PTPRD: variants seen among roughly 807,000 people sequenced by gnomAD.
The protein encoded by PTPRD is receptor-type tyrosine-protein phosphatase delta.
PTPRD carries 34 observed loss-of-function variants against 214.5 expected under a neutral mutation model. The observed-to-expected ratio is 0.16, with a 90% CI of 0.12 to 0.21. The LOEUF (loss-of-function observed/expected upper bound fraction) is 0.21, where lower values mean the gene tolerates loss of function less well. PTPRD is among the 10% of genes least tolerant of loss of function. The pLI is 1.00. For synonymous variants in PTPRD, 1,128 were observed against 845.7 expected, an observed-to-expected ratio of 1.33 and a Z score of -5.79; for missense variants, 2,545 against 2,398.7, an observed-to-expected ratio of 1.06 and a Z score of -1.27.
At chr9:8,488,115 G>A (rs1317193909) in intron 27 of PTPRD, among the ~76,000 whole-genome samples, 3 of 152,080 alleles carry the variant, frequency 2.0e-5, no homozygotes, top group African/African-American at 4.8e-5. Context: ...ATCATACCAT[G>A]GGGATATAGA....
chr9:8,376,575 G>T, intron 38 of PTPRD, 32 bp downstream of exon 38: 1 of 1,611,778 alleles, frequency 6.2e-7, no homozygotes, highest in Non-Finnish European at 8.5e-7. Context: ...AATAGAGAAG[G>T]GAAAGGGAGG....
intron 5 of PTPRD, among the ~76,000 whole-genome samples, chr9:9,806,646 G>A (rs1001266505): frequency 6.6e-6 from 1 of 152,050 alleles, no homozygotes; most frequent in Admixed American, 6.6e-5. Flanking sequence ...CAGCCCACTT[G>A]CGCCCAAGTG....
chr9:8,887,025 C>T (rs1440233108), intron 11 of PTPRD, among the ~76,000 whole-genome samples: 1 of 152,210 alleles, frequency 6.6e-6, no homozygotes. Context: ...TGGCATTACT[C>T]AATCCACAAA....
At chr9:8,919,884 A>C (rs2098814272) in intron 11 of PTPRD, among the ~76,000 whole-genome samples, 1 of 136,000 alleles carries the variant, frequency 7.4e-6, no homozygotes, top group Non-Finnish European at 1.7e-5. Flanking sequence ...TGTATCATGC[A>C]TACATAGATG....
At chr9:9,422,213 G>A (rs1313167061) in intron 8 of PTPRD, among the ~76,000 whole-genome samples, 4 of 152,124 alleles carry the variant, frequency 2.6e-5, no homozygotes, top group African/African-American at 7.2e-5. Context: ...AGATGAGAAA[G>A]CTGAGACACG....
chr9:10,095,178 G>A (rs939625024), intron 3 of PTPRD, among the ~76,000 whole-genome samples: 6 of 151,310 alleles, frequency 4.0e-5, no homozygotes, highest in African/African-American at 1.5e-4. Flanking sequence ...TCAAATAGTA[G>A]AGAAATTCTT....
chr9:9,454,381 C>G lies in PTPRD; in HGVS notation c.-236-56899G>C, dbSNP rs149744171. ...TCTTGCAATCCAGTATGAGTTGGCT[C>G]TAGCATATCACTGCAGTATTTTGTT... On this transcript the variant is annotated intron_variant, in intron 8 of 45. Coordinates refer to ENST00000381196, the MANE Select transcript of PTPRD (RefSeq NM_002839.4). Among the ~76,000 whole-genome samples the G allele has an allele frequency of 1.1e-4, 16 of 151,852 alleles. No individual in the cohort carries two copies. In the East Asian group the frequency reaches 2.5e-3, roughly 24 times the overall value.
chr9:9,811,286 A>G (rs2047059578), intron 5 of PTPRD, among the ~76,000 whole-genome samples: 1 of 152,224 alleles, frequency 6.6e-6, no homozygotes, highest in Non-Finnish European at 1.5e-5. Context: ...ACGCAGTGAA[A>G]GAAGAAACTA....
chr9:10,289,037 T>C (rs952692345), intron 3 of PTPRD, among the ~76,000 whole-genome samples: 1 of 148,798 alleles, frequency 6.7e-6, no homozygotes. Flanking sequence ...TTTTTTTTTT[T>C]ATTTCTTTTT....
chr9:8,679,366 T>C (rs1452678061), intron 12 of PTPRD, among the ~76,000 whole-genome samples: 1 of 152,180 alleles, frequency 6.6e-6, no homozygotes, highest in East Asian at 1.9e-4. Context: ...TCCTAAACTT[T>C]CCCACAGTTA....
At chr9:9,058,294 T>A (rs139100388) in intron 10 of PTPRD, among the ~76,000 whole-genome samples, 157 of 152,176 alleles carry the variant, frequency 1.0e-3, no homozygotes, top group African/African-American at 3.5e-3. Context: ...TCACAACCCA[T>A]GAAGCATAAA....
intron 10 of PTPRD, among the ~76,000 whole-genome samples, chr9:9,053,199 T>A (rs1399111463): frequency 2.6e-5 from 4 of 152,152 alleles, no homozygotes; most frequent in Non-Finnish European, 4.4e-5. Context: ...ATGTTTAACA[T>A]AATAGTATAA....
At chr9:9,741,039 T>G (rs2098394171) in intron 6 of PTPRD, among the ~76,000 whole-genome samples, 1 of 152,300 alleles carries the variant, frequency 6.6e-6, no homozygotes, top group South Asian at 2.1e-4. Context: ...TAACTGGCAA[T>G]TTGAAGATAA....
chr9:10,509,168 G>A (rs1246808831), intron 2 of PTPRD, among the ~76,000 whole-genome samples: 1 of 151,844 alleles, frequency 6.6e-6, no homozygotes, highest in African/African-American at 2.4e-5. Context: ...CTTATATGAA[G>A]ATCCATAGGA....
intron 5 of PTPRD, among the ~76,000 whole-genome samples, chr9:9,932,188 A>G (rs983242544): frequency 6.6e-6 from 1 of 150,858 alleles, no homozygotes; most frequent in African/African-American, 2.5e-5. Flanking sequence ...CTCCAAAGGA[A>G]CGCAGTTCCT....
chr9:8,522,514 A>G (rs2097911537), intron 19 of PTPRD, among the ~76,000 whole-genome samples: 1 of 152,182 alleles, frequency 6.6e-6, no homozygotes, highest in Admixed American at 6.5e-5. Flanking sequence ...TGACAACAAA[A>G]TCTTTTAAAA....
intron 8 of PTPRD, among the ~76,000 whole-genome samples, chr9:9,504,127 C>G (rs1480207403): frequency 6.6e-6 from 1 of 151,678 alleles, no homozygotes; most frequent in African/African-American, 2.4e-5. Context: ...CAGAGTCTCT[C>G]TCTATTATTT....
intron 3 of PTPRD, among the ~76,000 whole-genome samples, chr9:10,230,717 G>C (rs1183478272): frequency 6.6e-6 from 1 of 151,912 alleles, no homozygotes; most frequent in Non-Finnish European, 1.5e-5. Context: ...TTTTGCTTTT[G>C]AGTTAAGGCA....
chr9:8,749,683 G>C (rs78502929), intron 11 of PTPRD, among the ~76,000 whole-genome samples: 1 of 152,252 alleles, frequency 6.6e-6, no homozygotes, highest in African/African-American at 2.4e-5. Context: ...CATTAAAGTA[G>C]AATAACTTTA....
Sources: gnomAD v4.1 joint callset for allele counts (sites outside exome capture counted in the v4.1 genomes callset) on GRCh38, gnomAD v4.1.1 for gene constraint, MANE v1.5 for transcripts, NCBI Gene and HGNC (gene_info 2026-07-23, HGNC 2026-07-21) for gene names.